Variants in CBFA2T3 observed in about 807,000 individuals in gnomAD.
CBFA2T3 encodes the protein transcriptional corepressor CBFA2T3.
In CBFA2T3, 31 loss-of-function variants were observed where a neutral mutation model predicts 58.6. That is an observed-to-expected ratio of 0.53 (90% CI 0.40 to 0.71). The LOEUF (loss-of-function observed/expected upper bound fraction) is 0.71, where lower values mean the gene tolerates loss of function less well. CBFA2T3 is among the 30% of genes least tolerant of loss of function. CBFA2T3 has a pLI of 0.00. For missense variants in CBFA2T3, 1,076 were observed against 963.1 expected, an observed-to-expected ratio of 1.12 and a Z score of -1.55; for synonymous variants, 531 against 421.9, an observed-to-expected ratio of 1.26 and a Z score of -3.17.
chr16:88,975,270 C>CTCTGCTCCACATCTT (rs1567644214), intron 1 of CBFA2T3, among the ~76,000 whole-genome samples: 1 of 128,752 alleles, frequency 7.8e-6, no homozygotes, highest in Non-Finnish European at 1.7e-5. Flanking sequence ...TTTCATGCCT[C>CTCTGCTCCACATCTT]TAGCCAGCAG....
chr16:88,915,835 G>C (rs1157598859), intron 1 of CBFA2T3, among the ~76,000 whole-genome samples: 2 of 151,884 alleles, frequency 1.3e-5, no homozygotes, highest in African/African-American at 4.8e-5. Context: ...TGTGTGGCTG[G>C]TCACCTCAGT....
rs1157701238 is a variant in CBFA2T3, at chr16:88,976,645, C to T, written c.151+12G>A. 5.8e-6 allele frequency: 9 copies of T among 1,548,682 alleles called. No homozygotes were observed. The highest frequency in any genetic ancestry group is 2.7e-5 in the African/African-American group (2 of 73,128). On this transcript the variant is annotated intron_variant, in intron 1 of 11. Transcript: ENST00000268679. ...TGCCCCCACCCCACCACCTTCCCCT[C>T]GAGCCTCTTACCTGGGCCGCCCTTC... is the stretch of plus-strand genomic sequence containing the variant.
intron 1 of CBFA2T3, among the ~76,000 whole-genome samples, chr16:88,908,843 G>C (rs886633219): frequency 6.6e-6 from 1 of 152,244 alleles, no homozygotes; most frequent in Non-Finnish European, 1.5e-5. Context: ...ACATAGCCAC[G>C]GTGATGACGT....
rs1972133599 is a variant in CBFA2T3, at chr16:88,953,506, T to C, written c.151+23151A>G. Among the ~76,000 whole-genome samples, 1 of 136,282 alleles carries C rather than the reference T, an allele frequency of 7.3e-6. No individual in the cohort carries two copies. The highest frequency in any genetic ancestry group is 6.8e-5 in the Admixed American group (1 of 14,668). The allele number at this position is 136,282 out of a possible 152,430, so 89.4% of individuals were successfully genotyped here. A position where few individuals can be genotyped will look rare whatever the true frequency, so the allele number is the denominator to read the frequency against. On this transcript the variant is annotated intron_variant, in intron 1 of 11. Transcript: ENST00000268679. This position sits in a 1 kb window ranked among gnomAD's most constrained non-coding sequence, Gnocchi z 4.9. ...GGTCCCCACAGCTGCCGCCCACTCT[T>C]GGGACCCTGAGTGTGGGGAGGCTGG...
chr16:88,897,108 C>T (rs902680159), intron 3 of CBFA2T3, among the ~76,000 whole-genome samples: 2 of 152,238 alleles, frequency 1.3e-5, no homozygotes, highest in African/African-American at 4.8e-5. Context: ...AACGCAGCCC[C>T]TCCTGTCACC....
At chr16:88,966,388 G>A (rs1487210608) in intron 1 of CBFA2T3, among the ~76,000 whole-genome samples, 3 of 151,794 alleles carry the variant, frequency 2.0e-5, no homozygotes, top group South Asian at 2.1e-4. Flanking sequence ...GCAGAGCGGG[G>A]GATCGCGAGT....
chr16:88,880,923 C>A, intron 9 of CBFA2T3, 135 bp from the exon 10 acceptor site: 2 of 828,826 alleles, frequency 2.4e-6, no homozygotes, highest in Non-Finnish European at 3.9e-6. Flanking sequence ...CAGGTGCCCT[C>A]GGACAAGGTC....
chr16:88,969,397 G>A (rs1160508130), intron 1 of CBFA2T3, among the ~76,000 whole-genome samples: 1 of 152,264 alleles, frequency 6.6e-6, no homozygotes, highest in Non-Finnish European at 1.5e-5. Context: ...AGGGGTGGGA[G>A]GCCTGGTGTC....
intron 1 of CBFA2T3, among the ~76,000 whole-genome samples, chr16:88,929,276 A>G (rs1971195968): frequency 2.4e-5 from 3 of 122,930 alleles, no homozygotes; most frequent in Admixed American, 2.3e-4. Context: ...CCGTGACCTC[A>G]GGCAAACGGC....
At chr16:88,973,522 A>C (rs1972709855) in intron 1 of CBFA2T3, among the ~76,000 whole-genome samples, 1 of 152,122 alleles carries the variant, frequency 6.6e-6, no homozygotes, top group African/African-American at 2.4e-5. Flanking sequence ...AGATAGAAAC[A>C]CCCGGGGAGG....
At chr16:88,897,664 G>C (rs1430405846) in intron 3 of CBFA2T3, among the ~76,000 whole-genome samples, 1 of 152,194 alleles carries the variant, frequency 6.6e-6, no homozygotes, top group Admixed American at 6.5e-5. Context: ...ACCTGGCCAA[G>C]GTCACCCTGG....
chr16:88,960,382 A>G (rs1254876236), intron 1 of CBFA2T3, among the ~76,000 whole-genome samples: 2 of 152,226 alleles, frequency 1.3e-5, no homozygotes, highest in Non-Finnish European at 2.9e-5. Flanking sequence ...ATAGCAGAGA[A>G]GATGTGAAGA....
chr16:88,943,236 G>C (rs977285915), intron 1 of CBFA2T3, among the ~76,000 whole-genome samples: 1 of 152,230 alleles, frequency 6.6e-6, no homozygotes, highest in African/African-American at 2.4e-5. Flanking sequence ...TGCGGCAGCT[G>C]TGGCTGCCCA....
At position 88,876,845 on chromosome 16, in the gene CBFA2T3, G is replaced by A. The variant is rs1007059859; in HGVS notation, c.*131C>T. The A allele has an allele frequency of 4.7e-5, 32 of 678,018 alleles. No homozygotes were observed. Among genetic ancestry groups the A allele is most frequent in the East Asian group, 3.3e-4 (10 of 30,038 alleles). 42.0% of individuals were successfully genotyped at this position (678,018 alleles called of 1,614,324 possible). A position where few individuals can be genotyped will look rare whatever the true frequency, so the allele number is the denominator to read the frequency against. ...CAGTAGCAGCAGTGACTAATTGGTCGGCTCCCCCAGGTCAGGCGGGGCGCA... is the reference window on the plus strand; with the variant it reads ...CAGTAGCAGCAGTGACTAATTGGTCAGCTCCCCCAGGTCAGGCGGGGCGCA... On this transcript the variant is annotated 3_prime_UTR_variant, in exon 12 of 12. Coordinates refer to ENST00000268679, the MANE Select transcript of CBFA2T3 (RefSeq NM_005187.6).
At chr16:88,899,277 C>A (rs541191071) in intron 2 of CBFA2T3, among the ~76,000 whole-genome samples, 2 of 152,310 alleles carry the variant, frequency 1.3e-5, no homozygotes, top group South Asian at 4.1e-4. Context: ...CACCACCCAC[C>A]AGCCAGGGGC....
At chr16:88,951,472 G>A (rs1597783886) in intron 1 of CBFA2T3, 2 of 375,572 alleles carry the variant, frequency 5.3e-6, no homozygotes, top group East Asian at 7.3e-5. Context: ...TTTCCTATAA[G>A]TATTTTTGTT....
intron 1 of CBFA2T3, among the ~76,000 whole-genome samples, chr16:88,948,812 A>T (rs941715118): frequency 5.3e-5 from 8 of 152,186 alleles, no homozygotes; most frequent in African/African-American, 1.4e-4. Context: ...TGGCTCAAAG[A>T]CAAGTTCAGA....
chr16:88,874,903 CATGA>C lies in CBFA2T3; in HGVS notation c.*2069_*2072del, dbSNP rs1968772728. ...TGGCAAACATCTCGTTTATTACCAT[CATGA>C]ATATCATTTGGACCTCTGCAAAGAC... On this transcript the variant is annotated 3_prime_UTR_variant, in exon 12 of 12. Coordinates refer to ENST00000268679, the MANE Select transcript of CBFA2T3 (RefSeq NM_005187.6). 1 of 232,486 alleles carries C rather than the reference CATGA, an allele frequency of 4.3e-6. No homozygotes were observed. The allele number at this position is 232,486 out of a possible 1,614,324, so 14.4% of individuals were successfully genotyped here. A position where few individuals can be genotyped will look rare whatever the true frequency, so the allele number is the denominator to read the frequency against.
At chr16:88,947,685 A>G (rs1478427419) in intron 1 of CBFA2T3, among the ~76,000 whole-genome samples, 1 of 152,210 alleles carries the variant, frequency 6.6e-6, no homozygotes, top group African/African-American at 2.4e-5. Context: ...AGGCCAAGGA[A>G]GTAGTATCGC....
Sources: gnomAD v4.1 joint callset for allele counts (sites outside exome capture counted in the v4.1 genomes callset) on GRCh38, gnomAD v4.1.1 for gene constraint, Gnocchi (gnomAD v3.1) non-coding constraint, MANE v1.5 for transcripts, NCBI Gene and HGNC (gene_info 2026-07-23, HGNC 2026-07-21) for gene names.